PHLDB3: variants seen among roughly 807,000 people sequenced by gnomAD.
PHLDB3 encodes pleckstrin homology like domain family B member 3, also known as pleckstrin homology-like domain family B member 3.
Under a neutral mutation model 85.7 loss-of-function variants are expected in PHLDB3, and 86 were observed. The ratio of observed to expected loss-of-function variants is 1.00; its 90% confidence interval spans 0.84 to 1.20. PHLDB3 has a LOEUF of 1.20. PHLDB3 is among the 50% of genes most tolerant of loss of function. The pLI is 0.00. For missense variants in PHLDB3, 995 were observed against 873.0 expected (o/e 1.14, Z -1.76); for synonymous variants, 376 against 349.8 (o/e 1.07, Z -0.83).
chr19:43,502,159 G>C lies in PHLDB3; in HGVS notation c.338C>G (p.Ala113Gly). Residue 113 changes from alanine to glycine, a missense_variant, in exon 3 of 16, where the codon GCC becomes GGC. Ala to Gly is a moderately conservative substitution (Grantham distance 60). Coordinates refer to ENST00000292140, the MANE Select transcript of PHLDB3 (RefSeq NM_198850.4). ...GQQLEALTRV[A>G]LMEQRVKELQ... ...CTCCTTCACTCGCTGCTCCATCAGG[G>C]CCACACGAGTCAATGCCTCCAGCTG... The C allele has an allele frequency of 6.3e-7, 1 of 1,581,164 alleles. No individual in the cohort carries two copies. Among genetic ancestry groups the C allele is most frequent in the Non-Finnish European group, 8.6e-7 (1 of 1,164,228 alleles).
At chr19:43,484,898 G>A (rs567610492) in intron 13 of PHLDB3, among the ~76,000 whole-genome samples, 1 of 152,124 alleles carries the variant, frequency 6.6e-6, no homozygotes, top group South Asian at 2.1e-4. Context: ...GGCTGACATG[G>A]GAGGATTGTT....
In PHLDB3 at chr19:43,497,277, C is replaced by G; in HGVS notation, c.666G>C (p.Met222Ile). 1 of 1,446,404 alleles carries G rather than the reference C, an allele frequency of 6.9e-7. No homozygotes were observed. The highest frequency in any genetic ancestry group is 9.1e-7 in the Non-Finnish European group (1 of 1,097,290). The allele number at this position is 1,446,404 out of a possible 1,614,324, so 89.6% of individuals were successfully genotyped here. Residue 222 changes from methionine (M) to isoleucine (I), a missense_variant and splice_region_variant, in exon 6 of 16, where the codon ATG (methionine) becomes ATC (isoleucine). Transcript: ENST00000292140. The stretch of plus-strand genomic sequence containing the variant: ...GTTGGGCCACATCCAGTTGTTCCCT[C>G]ATCTATAGGTCGGAACACAAAAAGG... ...RERLLQGVQE[M>I]REQLDVAQRA...
At chr19:43,475,636 G>A in intron 15 of PHLDB3, 92 bp from the exon 16 acceptor site, 1 of 1,509,880 alleles carries the variant, frequency 6.6e-7, no homozygotes, top group Non-Finnish European at 9.0e-7. Context: ...AGTCTGTGTG[G>A]CACTGGACAA....
In PHLDB3 at chr19:43,495,475, G is replaced by T. The variant is rs1971432077; in HGVS notation, c.951+20C>A. The T allele has an allele frequency of 6.2e-7, 1 of 1,605,788 alleles. No homozygotes were observed. Among genetic ancestry groups the T allele is most frequent in the East Asian group, 2.2e-5 (1 of 44,498 alleles). ...GGGGAAGTGAGGACGGTAGGGTAGG[G>T]CAGGTGACAGGTAGCTCACCTGTGA... On this transcript the variant is annotated intron_variant, in intron 7 of 15. Coordinates refer to ENST00000292140, the MANE Select transcript of PHLDB3 (RefSeq NM_198850.4).
In PHLDB3 at chr19:43,495,667, C is replaced by A. The variant is rs979722141; in HGVS notation, c.826-47G>T. The stretch of plus-strand genomic sequence containing the variant: ...CACGGCCCCAGCCAGCTCTCCAGGC[C>A]ACCCTCCCACAGAACCACATCTGCC... On this transcript the variant is annotated intron_variant, in intron 6 of 15. Transcript: ENST00000292140. The A allele has an allele frequency of 7.0e-6, 11 of 1,568,642 alleles. 1 individual carries two copies. The highest frequency in any genetic ancestry group is 5.9e-5 in the South Asian group (5 of 84,846).
At chr19:43,491,925 G>T (rs986080775) in intron 9 of PHLDB3, among the ~76,000 whole-genome samples, 8 of 142,706 alleles carry the variant, frequency 5.6e-5, no homozygotes, top group Non-Finnish European at 1.2e-4. Context: ...GATTACCAGC[G>T]TGAGCCACTG....
At chr19:43,483,504 CCGGGACTCAAGTGATCCTCCCACCT>C (rs1251056650) in intron 13 of PHLDB3, among the ~76,000 whole-genome samples, 1 of 152,076 alleles carries the variant, frequency 6.6e-6, no homozygotes, top group Non-Finnish European at 1.5e-5. Flanking sequence ...TTCTCCAGCT[CCGGGACTCAAGTGATCCTCCCACCT>C]CGGCCTCTCA....
intron 15 of PHLDB3, 114 bp downstream of exon 15, chr19:43,477,933 C>T: frequency 1.4e-6 from 1 of 708,198 alleles, no homozygotes; most frequent in Non-Finnish European, 2.4e-6. Context: ...CCTATGAGTA[C>T]CCTGACAGGA....
At chr19:43,487,591 A>AAAAAAAAAAAAAAAAAAAAAAAAAACAC (rs1167897767) in intron 9 of PHLDB3, among the ~76,000 whole-genome samples, 1 of 115,810 alleles carries the variant, frequency 8.6e-6, no homozygotes, top group African/African-American at 3.1e-5. Context: ...AAAAAAAAAA[A>AAAAAAAAAAAAAAAAAAAAAAAAAACAC]ACACAGAAAA....
At chr19:43,478,193 G>T in intron 14 of PHLDB3, 61 bp from the exon 15 acceptor site, 1 of 1,344,640 alleles carries the variant, frequency 7.4e-7, no homozygotes, top group South Asian at 1.2e-5. Flanking sequence ...TGTGTGTCGA[G>T]GTGAGGGTCA....
rs563693129 is a variant in PHLDB3 at position 43,482,830 on chromosome 19, G to A, written c.1486-3237C>T. On this transcript the variant is annotated intron_variant, in intron 13 of 15. Coordinates refer to ENST00000292140, the MANE Select transcript of PHLDB3 (RefSeq NM_198850.4). ...TGGGATTACAGGCGTGAGCCACCAC[G>A]CCTGGCCTGTGCTTCGTTTTTAATG... is the stretch of plus-strand genomic sequence containing the variant. Among the ~76,000 whole-genome samples the A allele has an allele frequency of 7.2e-5, 11 of 152,224 alleles. No individual in the cohort carries two copies. The East Asian group carries it at 2.1e-3, about 29-fold the overall frequency.
In PHLDB3 at chr19:43,504,217, C is replaced by CG. The variant is rs549690000; in HGVS notation, c.-14-86_-14-85insC. The CG allele has an allele frequency of 1.6e-4, 171 of 1,037,110 alleles. 2 individuals carry two copies. In the South Asian group the frequency reaches 2.5e-3, roughly 15 times the overall value. 64.2% of individuals were successfully genotyped at this position (1,037,110 alleles called of 1,614,324 possible). On this transcript the variant is annotated intron_variant, in intron 1 of 15. Transcript: ENST00000292140. ...TCGCGTCTGCTCCGGGGCGCGGAGA[C>CG]CCCCCCCCAAGGAGGCGGGGCCTAA...
At chr19:43,504,184 A>G (rs1237137661) in intron 1 of PHLDB3, 52 bp from the exon 2 acceptor site, 5 of 1,470,830 alleles carry the variant, frequency 3.4e-6, no homozygotes, top group Non-Finnish European at 4.5e-6. Flanking sequence ...AGGACGGCTG[A>G]GCGCCGCTCG....
At position 43,479,451 on chromosome 19, in the gene PHLDB3, C is replaced by T; in HGVS notation, c.1628G>A (p.Gly543Asp). 1 of 1,565,746 alleles carries T rather than the reference C, an allele frequency of 6.4e-7. No individual in the cohort carries two copies. Among genetic ancestry groups the T allele is most frequent in the Non-Finnish European group, 8.7e-7 (1 of 1,155,554 alleles). The change falls in exon 14 of 16, where the codon GGC (glycine) becomes GAC (aspartate). Residue 543 changes from glycine to aspartate, a missense_variant. By Grantham distance (94) the Gly-to-Asp change is moderately conservative (BLOSUM62 -1). Coordinates refer to ENST00000292140, the MANE Select transcript of PHLDB3 (RefSeq NM_198850.4). ...CTTCCTCCAGGTCTTGATGCGGCCG[C>T]CCATCTTCACCAGGGGTCCACGGCA... ...CCCRGPLVKMGGRIKTWRKRW... is the reference protein window; with the variant it reads ...CCCRGPLVKMDGRIKTWRKRW...
intron 10 of PHLDB3, 70 bp from the exon 11 acceptor site, chr19:43,486,940 A>G: frequency 6.8e-7 from 1 of 1,478,376 alleles, no homozygotes; most frequent in Non-Finnish European, 9.0e-7. Flanking sequence ...TCTCCCCTGC[A>G]GGCATAGGTG....
At position 43,495,618 on chromosome 19, in the gene PHLDB3, C is replaced by A; in HGVS notation, c.828G>T (p.Arg276Ser). Residue 276 changes from arginine to serine, a missense_variant and splice_region_variant, in exon 7 of 16, where the codon AGG becomes AGT. Arg to Ser is a moderately radical substitution (Grantham distance 110). Coordinates refer to ENST00000292140, the MANE Select transcript of PHLDB3 (RefSeq NM_198850.4). ...ELQASMAQHR[R>S]GALQHRIRVL... The stretch of plus-strand genomic sequence containing the variant: ...CCCGGATCCGGTGCTGCAGAGCACC[C>A]CTCTGTCCCGGTTACTCATCTGTCA... 3.1e-6 allele frequency: 5 copies of A among 1,607,798 alleles called. No individual in the cohort carries two copies. Among genetic ancestry groups the A allele is most frequent in the Non-Finnish European group, 4.2e-6 (5 of 1,177,396 alleles).
At chr19:43,502,614 CTTTTTTT>C (rs71336869) in intron 2 of PHLDB3, among the ~76,000 whole-genome samples, 10 of 114,796 alleles carry the variant, frequency 8.7e-5, no homozygotes, top group East Asian at 2.4e-4. Flanking sequence ...ACGCCAAGCT[CTTTTTTT>C]TTTTTTTTTT....
In PHLDB3 at chr19:43,495,280, A is replaced by G. The variant is rs1125031; in HGVS notation, c.1011T>C (p.Ser337=). ...CLQGTPGGDF[S]EPNPALTKLL... is the part of the protein sequence containing the mutation. Reference sequence around the variant, plus strand: ...CCTTAGTGAGGGCCGGGTTGGGCTCAGAGAAGTCCCCGCCAGGTGTTCCCT... The same window carrying G: ...CCTTAGTGAGGGCCGGGTTGGGCTCGGAGAAGTCCCCGCCAGGTGTTCCCT... The change falls in exon 8 of 16, where the codon TCT becomes TCC. Residue 337 remains serine, a synonymous_variant. Transcript: ENST00000292140. 1.0e-3 allele frequency: 1,690 copies of G among 1,613,820 alleles called. 8 individuals are homozygous for G. In the African/African-American group the frequency reaches 0.017, roughly 16 times the overall value.
chr19:43,495,588 C>A lies in PHLDB3; in HGVS notation c.858G>T (p.Leu286=). The change falls in exon 7 of 16, where the codon CTG becomes CTT. Residue 286 remains leucine (L), a synonymous_variant. Coordinates refer to ENST00000292140, the MANE Select transcript of PHLDB3 (RefSeq NM_198850.4). The part of the protein sequence containing the change: ...RGALQHRIRV[L]EEQLKSLGEQ... Reference sequence around the variant, plus strand: ...CCCCCAGTGACTTGAGCTGCTCTTCCAGGACCCGGATCCGGTGCTGCAGAG... The same window carrying A: ...CCCCCAGTGACTTGAGCTGCTCTTCAAGGACCCGGATCCGGTGCTGCAGAG... 1 of 1,610,466 alleles carries A rather than the reference C, an allele frequency of 6.2e-7. No individual in the cohort carries two copies. Among genetic ancestry groups the A allele is most frequent in the Non-Finnish European group, 8.5e-7 (1 of 1,178,560 alleles).
Sources: allele counts gnomAD v4.1 joint callset (sites outside exome capture counted in the v4.1 genomes callset), GRCh38; gene constraint gnomAD v4.1.1; transcripts MANE v1.5; gene names NCBI Gene and HGNC (gene_info 2026-07-23, HGNC 2026-07-21).